The following RABGAP1L variants were observed in gnomAD, a reference collection of about 807,000 sequenced individuals.
The protein encoded by RABGAP1L is RAB GTPase activating protein 1 like, also known as rab GTPase-activating protein 1-like.
RABGAP1L carries 63 observed loss-of-function variants against 137.7 expected under a neutral mutation model. The ratio of observed to expected loss-of-function variants is 0.46; its 90% CI spans 0.37 to 0.56. The LOEUF is 0.56. RABGAP1L is among the 20% of genes least tolerant of loss of function. The pLI is 0.00. For missense variants in RABGAP1L, 1,095 were observed against 1,244.0 expected, an observed-to-expected ratio of 0.88 and a Z score of 1.80; for synonymous variants, 431 against 433.7, an observed-to-expected ratio of 0.99 and a Z score of 0.08.
chr1:174,613,491 T>A (rs1044769614), intron 13 of RABGAP1L, among the ~76,000 whole-genome samples: 19 of 152,254 alleles, frequency 1.2e-4, no homozygotes, highest in African/African-American at 3.1e-4. Context: ...GTGGTCAATT[T>A]TGGAATAGGT....
chr1:174,957,386 A>G, intron 19 of RABGAP1L, 71 bp from the exon 20 acceptor site: 1 of 1,227,572 alleles, frequency 8.1e-7, no homozygotes, highest in Non-Finnish European at 1.2e-6. Flanking sequence ...AAATTTAACT[A>G]GCAAACACAC....
At chr1:174,751,592 A>G (rs1196203542) in intron 17 of RABGAP1L, among the ~76,000 whole-genome samples, 1 of 152,210 alleles carries the variant, frequency 6.6e-6, no homozygotes, top group Non-Finnish European at 1.5e-5. Context: ...TATCTTTTGA[A>G]TTTAATAACT....
chr1:174,448,617 C>A lies in RABGAP1L; in HGVS notation c.1710+54472C>A, dbSNP rs1295716163. 2 of 1,613,960 alleles carry A rather than the reference C, an allele frequency of 1.2e-6. No homozygotes were observed. The highest frequency in any genetic ancestry group is 2.2e-5 in the South Asian group (2 of 91,070). On this transcript the variant is annotated intron_variant, in intron 13 of 25. Coordinates refer to ENST00000681986, the MANE Select transcript of RABGAP1L (RefSeq NM_001366446.1). The surrounding 1 kb of genome is among the most constrained non-coding windows in gnomAD (Gnocchi z 4.2). The stretch of plus-strand genomic sequence containing the variant: ...TGCATTATTTTGATCTGGATCTACT[C>A]CTGCCTAATTTTCTTGCCTTCCTTT...
At chr1:174,329,031 T>A (rs1255989617) in intron 11 of RABGAP1L, among the ~76,000 whole-genome samples, 1 of 122,038 alleles carries the variant, frequency 8.2e-6, no homozygotes, top group African/African-American at 4.4e-5. Flanking sequence ...AATAAAGACT[T>A]AAAAATACAA....
At chr1:174,641,205 C>G (rs1324032077) in intron 14 of RABGAP1L, among the ~76,000 whole-genome samples, 1 of 151,788 alleles carries the variant, frequency 6.6e-6, no homozygotes, top group East Asian at 1.9e-4. Context: ...AACAATCTGA[C>G]TTTGTAGTTG....
At chr1:174,506,481 C>A (rs903842334) in intron 13 of RABGAP1L, among the ~76,000 whole-genome samples, 1 of 151,844 alleles carries the variant, frequency 6.6e-6, no homozygotes, top group South Asian at 2.1e-4. Flanking sequence ...TATGTAAATA[C>A]AAAAATCAGT....
At chr1:174,597,416 T>C (rs190799048) in intron 13 of RABGAP1L, among the ~76,000 whole-genome samples, 6 of 152,196 alleles carry the variant, frequency 3.9e-5, no homozygotes, top group Admixed American at 6.5e-5. Context: ...ATTCGAGTTT[T>C]TAATTTTTTC....
At chr1:174,901,399 T>G (rs114683717) in intron 19 of RABGAP1L, among the ~76,000 whole-genome samples, 2,563 of 152,164 alleles carry the variant, frequency 0.017, 61 homozygotes, top group African/African-American at 0.059. Flanking sequence ...CACATGGTGG[T>G]AGGAGAGAGA....
At chr1:174,268,487 G>A (rs894592183) in intron 7 of RABGAP1L, among the ~76,000 whole-genome samples, 1 of 152,082 alleles carries the variant, frequency 6.6e-6, no homozygotes, top group Non-Finnish European at 1.5e-5. Context: ...ACAAGCGTGA[G>A]CCACTGCGCC....
chr1:174,800,568 C>A, intron 18 of RABGAP1L: 1 of 1,509,332 alleles, frequency 6.6e-7, no homozygotes, highest in Non-Finnish European at 8.9e-7. Context: ...TTCCTTGTAT[C>A]TCTGAAAGAG....
At chr1:174,874,578 CTTTTTTTTT>C (rs10530813) in intron 19 of RABGAP1L, 5,866 of 232,780 alleles carry the variant, frequency 0.025, 54 homozygotes, top group Middle Eastern at 0.038. Context: ...ACACCACTGC[CTTTTTTTTT>C]TTTTTTTTTT....
At chr1:174,533,675 G>C (rs1308446416) in intron 13 of RABGAP1L, among the ~76,000 whole-genome samples, 4 of 151,744 alleles carry the variant, frequency 2.6e-5, no homozygotes, top group Non-Finnish European at 5.9e-5. Context: ...TTTTGTTTTT[G>C]TTTTTGTTTT....
intron 22 of RABGAP1L, among the ~76,000 whole-genome samples, chr1:174,976,489 G>A (rs1351050319): frequency 6.6e-6 from 1 of 152,178 alleles, no homozygotes; most frequent in African/African-American, 2.4e-5. Context: ...TGATCCAAGA[G>A]CTTTGACAAA....
At chr1:174,737,711 AGG>A (rs1044621700) in intron 17 of RABGAP1L, among the ~76,000 whole-genome samples, 9 of 152,216 alleles carry the variant, frequency 5.9e-5, no homozygotes, top group African/African-American at 2.2e-4. Context: ...TTTCAAAGAA[AGG>A]GGTTTAATTT....
intron 13 of RABGAP1L, among the ~76,000 whole-genome samples, chr1:174,590,353 T>TTA (rs1669509631): frequency 1.2e-5 from 1 of 84,350 alleles, no homozygotes; most frequent in African/African-American, 3.8e-5. Context: ...TTTTTATTTA[T>TTA]TTTTTTTTTA....
Position 174,492,305 on chromosome 1 carries a change from C to T in RABGAP1L, c.1710+98160C>T, listed in dbSNP as rs544046653. The stretch of plus-strand genomic sequence containing the variant: ...AAGTGATTCTCCTGCCTCAACCTCC[C>T]GAGTAGCTGGGATTACAGGTGCATG... On this transcript the variant is annotated intron_variant, in intron 13 of 25. Transcript: ENST00000681986. Among the ~76,000 whole-genome samples the T allele has an allele frequency of 6.6e-5, 10 of 150,820 alleles. 1 individual carries two copies. The South Asian group carries it at 1.3e-3, about 19-fold the overall frequency.
At chr1:174,942,411 G>A (rs978472333) in intron 19 of RABGAP1L, among the ~76,000 whole-genome samples, 1 of 152,122 alleles carries the variant, frequency 6.6e-6, no homozygotes, top group Admixed American at 6.5e-5. Flanking sequence ...TGCAATTATA[G>A]CACACAGATT....
intron 19 of RABGAP1L, chr1:174,874,405 G>A (rs967230712): frequency 5.4e-6 from 5 of 930,948 alleles, no homozygotes; most frequent in South Asian, 9.9e-5. Context: ...TGACTTGCCC[G>A]GGGACGGACA....
intron 13 of RABGAP1L, among the ~76,000 whole-genome samples, chr1:174,619,454 T>C (rs1451278447): frequency 6.6e-6 from 1 of 151,346 alleles, no homozygotes; most frequent in Non-Finnish European, 1.5e-5. Flanking sequence ...GCAGAAAGTC[T>C]ACAAGCCAGA....
Sources: allele counts gnomAD v4.1 joint callset (sites outside exome capture counted in the v4.1 genomes callset), GRCh38; gene constraint gnomAD v4.1.1; non-coding constraint Gnocchi (gnomAD v3.1); transcripts MANE v1.5; gene names NCBI Gene and HGNC (gene_info 2026-07-23, HGNC 2026-07-21).